Variants in RXRG observed in about 807,000 individuals in gnomAD.
RXRG encodes retinoid X receptor gamma.
Under a neutral mutation model 49.2 loss-of-function variants are expected in RXRG, and 19 were observed. The ratio of observed to expected loss-of-function variants is 0.39; its 90% CI spans 0.27 to 0.57. The LOEUF is 0.57. Among genes scored for constraint, RXRG ranks in the 20% least tolerant of loss-of-function variants. The probability of loss-of-function intolerance (pLI) is 0.64; values close to 1 mark genes in which losing one functional copy is unlikely to be tolerated. For synonymous variants in RXRG, 224 were observed against 216.6 expected, an observed-to-expected ratio of 1.03 and a Z score of -0.30; for missense variants, 452 against 592.5, an observed-to-expected ratio of 0.76 and a Z score of 2.46.
intron 7 of RXRG, 30 bp from the exon 8 acceptor site, chr1:165,408,348 A>G (rs1390017984): frequency 6.6e-7 from 1 of 1,523,202 alleles, no homozygotes; most frequent in Non-Finnish European, 9.1e-7. Context: ...AGGTAATGAG[A>G]AAACCGTAAG....
intron 1 of RXRG, among the ~76,000 whole-genome samples, chr1:165,435,683 C>A (rs971152005): frequency 6.6e-6 from 1 of 152,158 alleles, no homozygotes; most frequent in Admixed American, 6.5e-5. Flanking sequence ...CATAATTGCA[C>A]CAAATGAACA....
At chr1:165,406,023 G>T (rs1453096542) in intron 9 of RXRG, among the ~76,000 whole-genome samples, 2 of 152,218 alleles carry the variant, frequency 1.3e-5, no homozygotes, top group Non-Finnish European at 2.9e-5. Context: ...TTCAAGACAG[G>T]CTTTTCCGTT....
At chr1:165,441,857 C>G (rs1045594824) in intron 1 of RXRG, among the ~76,000 whole-genome samples, 1 of 152,184 alleles carries the variant, frequency 6.6e-6, no homozygotes, top group Admixed American at 6.5e-5. Flanking sequence ...GAAGGTTTCT[C>G]TCATCATTAC....
chr1:165,407,016 C>T, intron 8 of RXRG, 99 bp from the exon 9 acceptor site: 1 of 775,762 alleles, frequency 1.3e-6, no homozygotes, highest in Non-Finnish European at 2.2e-6. Context: ...TAGAGACACC[C>T]TGGATGGGGA....
At chr1:165,426,449 T>A (rs1658489288) in intron 2 of RXRG, among the ~76,000 whole-genome samples, 1 of 152,196 alleles carries the variant, frequency 6.6e-6, no homozygotes, top group South Asian at 2.1e-4. Flanking sequence ...CTGGAATCCC[T>A]ACACTAGCTG....
At chr1:165,437,684 C>G (rs943107992) in intron 1 of RXRG, among the ~76,000 whole-genome samples, 1 of 152,074 alleles carries the variant, frequency 6.6e-6, no homozygotes, top group Non-Finnish European at 1.5e-5. Flanking sequence ...CTGGGGGCAC[C>G]CTCATTGGCA....
At chr1:165,415,154 G>A (rs887858513) in intron 4 of RXRG, among the ~76,000 whole-genome samples, 1 of 152,038 alleles carries the variant, frequency 6.6e-6, no homozygotes, top group African/African-American at 2.4e-5. Context: ...AAGAAAGTGA[G>A]AATTGGGTAA....
intron 1 of RXRG, among the ~76,000 whole-genome samples, chr1:165,444,349 A>C (rs1031742529): frequency 5.3e-5 from 8 of 152,216 alleles, no homozygotes; most frequent in Non-Finnish European, 2.9e-5. Context: ...TTAAAAATCC[A>C]ATTAAAGGGA....
chr1:165,429,064 C>T lies in RXRG; in HGVS notation c.50-98G>A, dbSNP rs546073425. On this transcript the variant is annotated intron_variant, in intron 1 of 9. Transcript: ENST00000359842. The stretch of plus-strand genomic sequence containing the variant: ...CCCCACCTTTCTTTCCTGTATCCTG[C>T]CCCTCTTTTAGCCACACCTACACAC... 33 of 1,366,352 alleles carry T rather than the reference C, an allele frequency of 2.4e-5. No homozygotes were observed. In the African/African-American group the frequency reaches 3.6e-4, roughly 15 times the overall value. The allele number at this position is 1,366,352 out of a possible 1,614,324, so 84.6% of individuals were successfully genotyped here.
intron 4 of RXRG, among the ~76,000 whole-genome samples, chr1:165,411,734 G>C (rs1434509969): frequency 6.6e-6 from 1 of 152,136 alleles, no homozygotes; most frequent in African/African-American, 2.4e-5. Context: ...AGGGTACATA[G>C]GCAAAGGTGT....
intron 9 of RXRG, 104 bp downstream of exon 9, chr1:165,406,708 C>T (rs1288704356): frequency 3.7e-6 from 3 of 821,084 alleles, no homozygotes; most frequent in Non-Finnish European, 6.1e-6. Context: ...GATTAAATAA[C>T]ATTTAAAAAC....
At chr1:165,432,116 G>T (rs1383473009) in intron 1 of RXRG, among the ~76,000 whole-genome samples, 2 of 152,150 alleles carry the variant, frequency 1.3e-5, no homozygotes, top group Non-Finnish European at 2.9e-5. Flanking sequence ...AATAAAATGA[G>T]ATAATGATGT....
chr1:165,436,881 A>G, intron 1 of RXRG: 3 of 1,097,118 alleles, frequency 2.7e-6, no homozygotes, highest in Non-Finnish European at 2.2e-6. Flanking sequence ...ATCAATCCCA[A>G]ACTCCTGGTG....
intron 1 of RXRG, among the ~76,000 whole-genome samples, chr1:165,433,462 C>G (rs1156240084): frequency 1.3e-5 from 2 of 152,164 alleles, no homozygotes; most frequent in Non-Finnish European, 2.9e-5. Context: ...ATGCCAGATG[C>G]CTGGAAAATG....
intron 2 of RXRG, among the ~76,000 whole-genome samples, chr1:165,423,631 C>T (rs937288682): frequency 3.3e-5 from 5 of 150,228 alleles, no homozygotes; most frequent in Admixed American, 1.3e-4. Context: ...TCTAAACCTG[C>T]GACTTCCTAA....
chr1:165,401,838 G>C (rs1032729642), intron 9 of RXRG, among the ~76,000 whole-genome samples: 1 of 152,216 alleles, frequency 6.6e-6, no homozygotes, highest in Admixed American at 6.5e-5. Context: ...ACCCATGGTA[G>C]CTGTCACCAT....
intron 1 of RXRG, among the ~76,000 whole-genome samples, chr1:165,430,775 A>G (rs1335360564): frequency 6.6e-6 from 1 of 152,256 alleles, no homozygotes; most frequent in Non-Finnish European, 1.5e-5. Flanking sequence ...TATCCTGACA[A>G]TAAGCCTATG....
At chr1:165,442,777 A>G (rs954800139) in intron 1 of RXRG, among the ~76,000 whole-genome samples, 2 of 152,218 alleles carry the variant, frequency 1.3e-5, no homozygotes, top group Non-Finnish European at 2.9e-5. Context: ...AATTTTCACA[A>G]TACTCTAAGG....
chr1:165,407,014 C>T (rs938849991), intron 8 of RXRG, 97 bp from the exon 9 acceptor site: 3 of 792,570 alleles, frequency 3.8e-6, no homozygotes, highest in Non-Finnish European at 6.3e-6. Flanking sequence ...ACTAGAGACA[C>T]CCTGGATGGG....
Sources: gnomAD v4.1 joint callset for allele counts (sites outside exome capture counted in the v4.1 genomes callset) on GRCh38, gnomAD v4.1.1 for gene constraint, MANE v1.5 for transcripts, NCBI Gene and HGNC (gene_info 2026-07-23, HGNC 2026-07-21) for gene names.